The following ROBO2 variants were observed in gnomAD, a reference collection of about 807,000 sequenced individuals.
ROBO2 encodes the protein roundabout homolog 2.
Under a neutral mutation model 160.8 loss-of-function variants are expected in ROBO2, and 53 were observed. The observed-to-expected ratio is 0.33, with a 90% CI of 0.26 to 0.41. The LOEUF (loss-of-function observed/expected upper bound fraction) is 0.41. Ranked by LOEUF, ROBO2 falls within the 10% of genes least tolerant of loss-of-function variation. ROBO2 has a pLI of 1.00. For missense variants in ROBO2, 1,577 were observed against 1,722.4 expected, an observed-to-expected ratio of 0.92 and a Z score of 1.49; for synonymous variants, 664 against 611.7, an observed-to-expected ratio of 1.09 and a Z score of -1.26.
intron 2 of ROBO2, among the ~76,000 whole-genome samples, chr3:76,972,208 A>G (rs1156308922): frequency 6.6e-6 from 1 of 152,194 alleles, no homozygotes; most frequent in Non-Finnish European, 1.5e-5. Flanking sequence ...TCTCCAAAAA[A>G]AAAATCTTAC....
chr3:76,767,366 C>A (rs2108457090), intron 2 of ROBO2, among the ~76,000 whole-genome samples: 1 of 151,670 alleles, frequency 6.6e-6, no homozygotes, highest in East Asian at 2.0e-4. Flanking sequence ...TGCCAGGATT[C>A]ATAAAATAAT....
At chr3:75,907,123 G>C (rs541554767) in intron 1 of ROBO2, among the ~76,000 whole-genome samples, 23 of 152,276 alleles carry the variant, frequency 1.5e-4, no homozygotes, top group African/African-American at 5.5e-4. Context: ...GTCGGTGGGT[G>C]GTTGCGATCC....
intron 6 of ROBO2, among the ~76,000 whole-genome samples, chr3:77,533,107 G>A (rs1046004947): frequency 4.6e-5 from 7 of 152,250 alleles, no homozygotes; most frequent in African/African-American, 1.7e-4. Flanking sequence ...ATGTGAAGTA[G>A]CAGGGTAATT....
chr3:76,063,286 C>T (rs2068127202), intron 2 of ROBO2, among the ~76,000 whole-genome samples: 1 of 151,474 alleles, frequency 6.6e-6, no homozygotes, highest in African/African-American at 2.4e-5. Context: ...AGCTACCATT[C>T]ACTGAGTCCA....
At chr3:76,223,857 A>G (rs1704128288) in intron 2 of ROBO2, among the ~76,000 whole-genome samples, 1 of 152,214 alleles carries the variant, frequency 6.6e-6, no homozygotes. Context: ...GCATCATTCT[A>G]TTCCTTAGTT....
chr3:77,101,069 G>T (rs566234407), intron 2 of ROBO2, among the ~76,000 whole-genome samples: 1 of 152,302 alleles, frequency 6.6e-6, no homozygotes, highest in Admixed American at 6.5e-5. Context: ...ATTTTGTTAT[G>T]AGAAAAGAGA....
At chr3:75,968,356 C>A (rs2064875027) in intron 2 of ROBO2, among the ~76,000 whole-genome samples, 1 of 151,502 alleles carries the variant, frequency 6.6e-6, no homozygotes, top group Admixed American at 6.6e-5. Flanking sequence ...TATCTTCCAT[C>A]ATTGCTGCTC....
chr3:76,918,393 T>C (rs2076459697), intron 2 of ROBO2, among the ~76,000 whole-genome samples: 1 of 152,208 alleles, frequency 6.6e-6, no homozygotes, highest in South Asian at 2.1e-4. Context: ...TCCCTAGCCA[T>C]GCAGAACTGA....
intron 2 of ROBO2, among the ~76,000 whole-genome samples, chr3:77,275,778 C>G (rs2059786427): frequency 6.6e-6 from 1 of 152,202 alleles, no homozygotes; most frequent in Non-Finnish European, 1.5e-5. Context: ...TCCAGGACCA[C>G]AGTTTGGTGT....
chr3:76,444,983 T>G (rs1476343434), intron 2 of ROBO2, among the ~76,000 whole-genome samples: 1 of 152,054 alleles, frequency 6.6e-6, no homozygotes, highest in Admixed American at 6.6e-5. Context: ...TTCCCTGAGG[T>G]TTTTTGGAAA....
At chr3:76,446,449 G>A (rs1438048970) in intron 2 of ROBO2, among the ~76,000 whole-genome samples, 1 of 152,050 alleles carries the variant, frequency 6.6e-6, no homozygotes, top group African/African-American at 2.4e-5. Context: ...CAATATTGTG[G>A]AAATGGCCAT....
At chr3:76,537,099 G>T (rs558052637) in intron 2 of ROBO2, among the ~76,000 whole-genome samples, 3 of 152,150 alleles carry the variant, frequency 2.0e-5, no homozygotes, top group African/African-American at 4.8e-5. Context: ...GAAGGGGAGA[G>T]AGGTCAGAGG....
chr3:76,180,359 A>G (rs1168120385), intron 2 of ROBO2, among the ~76,000 whole-genome samples: 1 of 152,206 alleles, frequency 6.6e-6, no homozygotes, highest in Non-Finnish European at 1.5e-5. Flanking sequence ...AAGTAGAAGC[A>G]GGCACGTATC....
chr3:77,489,868 C>T (rs915654797), intron 4 of ROBO2, among the ~76,000 whole-genome samples: 1 of 152,140 alleles, frequency 6.6e-6, no homozygotes, highest in African/African-American at 2.4e-5. Flanking sequence ...TAAAATCTCA[C>T]ATTTTCCAAT....
At chr3:76,953,066 T>C (rs1162742897) in intron 2 of ROBO2, among the ~76,000 whole-genome samples, 1 of 152,180 alleles carries the variant, frequency 6.6e-6, no homozygotes, top group Non-Finnish European at 1.5e-5. Context: ...AGATAGAAAA[T>C]TAAAAGCTAA....
Position 76,003,230 on chromosome 3 carries a change from T to G in ROBO2, c.109+65628T>G, listed in dbSNP as rs2107574909. On this transcript the variant is annotated intron_variant, in intron 2 of 26. Transcript: ENST00000487694. The stretch of plus-strand genomic sequence containing the variant: ...TTAATCCTGGCAGCTCCCCATACTC[T>G]GCTAAATAAATACCAGTGGACATAA... Among the ~76,000 whole-genome samples the G allele has an allele frequency of 1.3e-5, 2 of 152,226 alleles. 1 individual carries two copies. Among genetic ancestry groups the G allele is most frequent in the South Asian group, 4.1e-4 (2 of 4,822 alleles).
At chr3:76,045,871 G>A (rs1415263640) in intron 2 of ROBO2, among the ~76,000 whole-genome samples, 1 of 151,888 alleles carries the variant, frequency 6.6e-6, no homozygotes, top group Non-Finnish European at 1.5e-5. Flanking sequence ...CAGTAGAAGA[G>A]TTTTATTTTT....
At chr3:76,194,363 T>TATATATATATAC (rs1301375708) in intron 2 of ROBO2, among the ~76,000 whole-genome samples, 84 of 118,638 alleles carry the variant, frequency 7.1e-4, no homozygotes, top group African/African-American at 2.8e-3. Context: ...AATATATATA[T>TATATATATATAC]ATATATATAT....
intron 5 of ROBO2, among the ~76,000 whole-genome samples, chr3:77,501,780 A>G (rs1324932101): frequency 6.6e-6 from 1 of 152,186 alleles, no homozygotes; most frequent in Non-Finnish European, 1.5e-5. Context: ...CTGTGTATCT[A>G]TTATCCAGTG....
Sources: allele counts gnomAD v4.1 joint callset (sites outside exome capture counted in the v4.1 genomes callset), GRCh38; gene constraint gnomAD v4.1.1; transcripts MANE v1.5; gene names NCBI Gene and HGNC (gene_info 2026-07-23, HGNC 2026-07-21).